KLF12: variants seen among roughly 807,000 people sequenced by gnomAD.
KLF12 encodes the protein Krueppel-like factor 12.
KLF12 carries 9 observed loss-of-function variants against 37.8 expected under a neutral mutation model. The observed-to-expected ratio is 0.24, with a 90% CI of 0.14 to 0.42. The LOEUF is 0.42. Ranked by LOEUF, KLF12 falls within the 10% of genes least tolerant of loss-of-function variation. The pLI, the probability that KLF12 is intolerant of heterozygous loss-of-function variation, is 1.00. For synonymous variants in KLF12, 208 were observed against 202.1 expected, an observed-to-expected ratio of 1.03 and a Z score of -0.25; for missense variants, 411 against 516.0, an observed-to-expected ratio of 0.80 and a Z score of 1.97.
intron 5 of KLF12, among the ~76,000 whole-genome samples, chr13:73,799,487 T>C (rs1009885111): frequency 1.1e-5 from 1 of 89,368 alleles, no homozygotes; most frequent in Non-Finnish European, 2.4e-5. Context: ...CATATAATAT[T>C]TTAATTCAAT....
At chr13:73,798,710 A>G (rs745828477) in intron 5 of KLF12, among the ~76,000 whole-genome samples, 1 of 152,188 alleles carries the variant, frequency 6.6e-6, no homozygotes. Flanking sequence ...CAAAACCACA[A>G]TGAGGAGCAT....
the KLF12 span, among the ~76,000 whole-genome samples, chr13:74,255,178 A>T: frequency 2.6e-5 from 4 of 152,326 alleles, no homozygotes; most frequent in South Asian, 6.2e-4. Flanking sequence ...CATTTTTATT[A>T]TTCATTTTAA....
intron 5 of KLF12, among the ~76,000 whole-genome samples, chr13:73,797,944 C>T (rs1594103067): frequency 6.6e-6 from 1 of 152,028 alleles, no homozygotes; most frequent in South Asian, 2.1e-4. Context: ...TGTTTTTTGG[C>T]GTTTAACCAA....
intron 4 of KLF12, 78 bp from the exon 5 acceptor site, chr13:73,813,365 T>A (rs1486413216): frequency 1.3e-6 from 2 of 1,488,024 alleles, no homozygotes; most frequent in South Asian, 1.2e-5. Context: ...ACATCAAGTA[T>A]GGAACTTCTG....
chr13:73,699,384 T>A (rs1488601073), intron 7 of KLF12, among the ~76,000 whole-genome samples: 1 of 151,568 alleles, frequency 6.6e-6, no homozygotes, highest in African/African-American at 2.4e-5. Flanking sequence ...AGACCCCGCC[T>A]CCAAAATATA....
At chr13:73,812,707 A>C (rs1998573) in intron 5 of KLF12, among the ~76,000 whole-genome samples, 37,504 of 151,952 alleles carry the variant, frequency 0.25, 4,908 homozygotes, top group East Asian at 0.5. Flanking sequence ...ACATATGAGT[A>C]CTACTTTTCA....
chr13:74,146,600 G>A, the KLF12 span, among the ~76,000 whole-genome samples: 3 of 152,248 alleles, frequency 2.0e-5, no homozygotes, highest in South Asian at 6.2e-4. Context: ...TCTTAATTTA[G>A]TTTCCTTTGC....
chr13:74,031,808 A>AG (rs58236299), intron 1 of KLF12, among the ~76,000 whole-genome samples: 124,379 of 152,020 alleles, frequency 0.82, 51,042 homozygotes, highest in East Asian at 0.91. Flanking sequence ...CTGAAAAAAA[A>AG]TGTGCTTCTC....
the KLF12 span, among the ~76,000 whole-genome samples, chr13:74,231,184 T>G: frequency 2.0e-5 from 3 of 151,310 alleles, no homozygotes; most frequent in Non-Finnish European, 4.4e-5. Flanking sequence ...CTTGGCTACT[T>G]CAGGTCAGGG....
chr13:74,061,918 G>C (rs903107793), intron 1 of KLF12, among the ~76,000 whole-genome samples: 1 of 152,134 alleles, frequency 6.6e-6, no homozygotes, highest in Non-Finnish European at 1.5e-5. Flanking sequence ...GTAAACAAAA[G>C]AATATATGAA....
chr13:73,803,659 A>G (rs1882402763), intron 5 of KLF12, among the ~76,000 whole-genome samples: 1 of 151,990 alleles, frequency 6.6e-6, no homozygotes, highest in Non-Finnish European at 1.5e-5. Context: ...ATTTTATCCA[A>G]TGCTTTTCTA....
intron 3 of KLF12, among the ~76,000 whole-genome samples, chr13:73,861,282 GC>G (rs1885912370): frequency 6.6e-6 from 1 of 152,052 alleles, no homozygotes; most frequent in South Asian, 2.1e-4. Flanking sequence ...AAAAACCCCT[GC>G]TAACTCTGAT....
At chr13:73,881,555 T>C (rs780949764) in intron 3 of KLF12, among the ~76,000 whole-genome samples, 10 of 152,190 alleles carry the variant, frequency 6.6e-5, no homozygotes, top group Non-Finnish European at 1.0e-4. Context: ...ATGTCCCATA[T>C]GAAAAGTTTC....
chr13:74,215,186 C>T, the KLF12 span, among the ~76,000 whole-genome samples: 9 of 151,980 alleles, frequency 5.9e-5, no homozygotes, highest in African/African-American at 2.2e-4. Flanking sequence ...TTCGAACCCA[C>T]CTTTTAATTA....
chr13:73,794,281 C>A (rs530894994), intron 5 of KLF12, among the ~76,000 whole-genome samples: 1 of 152,214 alleles, frequency 6.6e-6, no homozygotes, highest in African/African-American at 2.4e-5. Flanking sequence ...GCCAACATGG[C>A]GAAACCCTGT....
the KLF12 span, among the ~76,000 whole-genome samples, chr13:74,275,794 CT>C: frequency 1.2e-5 from 1 of 85,462 alleles, no homozygotes; most frequent in Non-Finnish European, 2.3e-5. Context: ...TTCTTTCTTT[CT>C]TTCTTTCTTT....
At chr13:74,181,870 G>GGAATTA in the KLF12 span, among the ~76,000 whole-genome samples, 2 of 152,056 alleles carry the variant, frequency 1.3e-5, no homozygotes, top group African/African-American at 4.8e-5. Context: ...ATGATATTAA[G>GGAATTA]GAATTATTCT....
At chr13:74,288,098 A>G in the KLF12 span, among the ~76,000 whole-genome samples, 7 of 152,120 alleles carry the variant, frequency 4.6e-5, no homozygotes, top group African/African-American at 1.7e-4. Context: ...ACTGGGGAGA[A>G]CTAGGCGGCT....
chr13:74,209,522 T>TCACA, the KLF12 span, among the ~76,000 whole-genome samples: 26,916 of 145,788 alleles, frequency 0.18, 2,505 homozygotes, highest in Non-Finnish European at 0.22. Context: ...AACATCTTAG[T>TCACA]CACACACACA....
Sources: allele counts gnomAD v4.1 joint callset (sites outside exome capture counted in the v4.1 genomes callset), GRCh38; gene constraint gnomAD v4.1.1; transcripts MANE v1.5; gene names NCBI Gene and HGNC (gene_info 2026-07-23, HGNC 2026-07-21).